The following TST variants were observed in gnomAD, a reference collection of about 807,000 sequenced individuals.
TST encodes the protein thiosulfate sulfurtransferase.
A neutral mutation model predicts 20.4 loss-of-function variants in TST; 22 were observed. That is an observed-to-expected ratio of 1.08 (90% CI 0.77 to 1.54). TST has a LOEUF of 1.54. Ranked by LOEUF, TST falls within the 40% of genes most tolerant of loss-of-function variation. The pLI is 0.00. For synonymous variants in TST, 187 were observed against 173.8 expected (o/e 1.08, Z -0.60); for missense variants, 392 against 405.2 (o/e 0.97, Z 0.28).
At chr22:37,012,789 T>C (rs928906786) in intron 2 of TST, among the ~76,000 whole-genome samples, 5 of 152,168 alleles carry the variant, frequency 3.3e-5, no homozygotes, top group African/African-American at 1.2e-4. Context: ...CTCACGCCTG[T>C]AGTCCCAGCA....
intron 2 of TST, among the ~76,000 whole-genome samples, chr22:37,014,762 A>G (rs539143983): frequency 1.3e-5 from 2 of 152,266 alleles, no homozygotes; most frequent in East Asian, 3.9e-4. Flanking sequence ...GGATGAGATG[A>G]CCTCTTGTAC....
At chr22:37,014,927 G>A (rs1201325728) in intron 2 of TST, among the ~76,000 whole-genome samples, 1 of 152,142 alleles carries the variant, frequency 6.6e-6, no homozygotes, top group East Asian at 1.9e-4. Flanking sequence ...AGGCAGCCCT[G>A]CACCTTCCCT....
rs1922446552 is a variant in TST, at chr22:37,011,021, C to T, written c.*6G>A. ...CGCAGTTACAGTAAGCAGAAGAGGT[C>T]ACGGCTCAGGCCTTCTCAGACTTTC... On this transcript the variant is annotated 3_prime_UTR_variant, in exon 3 of 3. Coordinates refer to ENST00000249042, the MANE Select transcript of TST (RefSeq NM_003312.6). The T allele has an allele frequency of 6.2e-7, 1 of 1,603,546 alleles. No homozygotes were observed. The highest frequency in any genetic ancestry group is 8.5e-7 in the Non-Finnish European group (1 of 1,174,246).
chr22:37,018,113 GACC>G (rs1922758405), intron 2 of TST, 22 bp downstream of exon 2: 2 of 1,503,308 alleles, frequency 1.3e-6, no homozygotes, highest in Non-Finnish European at 1.8e-6. Flanking sequence ...ACTCCCCAGG[GACC>G]ACCCAGCACT....
chr22:37,014,062 C>T (rs1161774010), intron 2 of TST, among the ~76,000 whole-genome samples: 1 of 146,394 alleles, frequency 6.8e-6, no homozygotes. Flanking sequence ...GGCCAGAGAA[C>T]TTTCAAGAAC....
rs201423946 is a variant in TST at position 37,018,127 on chromosome 22, G to A, written c.595+11C>T. On this transcript the variant is annotated intron_variant, in intron 2 of 2. Coordinates refer to ENST00000249042, the MANE Select transcript of TST (RefSeq NM_003312.6). ...TACTCCCCAGGGACCACCCAGCACT[G>A]GGACACCTACCTACTGCATCCGGCT... is the stretch of plus-strand genomic sequence containing the variant. 2.6e-4 allele frequency: 392 copies of A among 1,530,064 alleles called. No homozygotes were observed. Among genetic ancestry groups the A allele is most frequent in the Non-Finnish European group, 3.3e-4 (379 of 1,136,724 alleles). The allele number at this position is 1,530,064 out of a possible 1,614,324, so 94.8% of individuals were successfully genotyped here. A position where few individuals can be genotyped will look rare whatever the true frequency, so the allele number is the denominator to read the frequency against.
At chr22:37,015,120 C>G in intron 2 of TST, among the ~76,000 whole-genome samples, 1 of 152,186 alleles carries the variant, frequency 6.6e-6, no homozygotes. Flanking sequence ...TGAAGCCTGC[C>G]GACCTGGGGT....
At chr22:37,014,694 G>A (rs1030489795) in intron 2 of TST, among the ~76,000 whole-genome samples, 2 of 152,158 alleles carry the variant, frequency 1.3e-5, no homozygotes, top group East Asian at 1.9e-4. Context: ...TGCCCCCAAC[G>A]CCTGTGTTCT....
intron 2 of TST, among the ~76,000 whole-genome samples, chr22:37,012,554 T>TC (rs768303605): frequency 6.6e-6 from 1 of 152,212 alleles, no homozygotes; most frequent in Non-Finnish European, 1.5e-5. Flanking sequence ...CAGGCCTATC[T>TC]CCATCTCTTT....
chr22:37,018,094 T>A, intron 2 of TST, 44 bp downstream of exon 2: 5 of 1,432,080 alleles, frequency 3.5e-6, no homozygotes, highest in Non-Finnish European at 4.7e-6. Flanking sequence ...TATCCTTCCA[T>A]GGGGCAATAC....
Position 37,018,446 on chromosome 22 carries a change from A to G in TST, c.287T>C (p.Val96Ala). The G allele has an allele frequency of 6.2e-7, 1 of 1,613,070 alleles. No individual in the cohort carries two copies. Among genetic ancestry groups the G allele is most frequent in the Non-Finnish European group, 8.5e-7 (1 of 1,179,932 alleles). The change falls in exon 2 of 3, where the codon GTG becomes GCG. Residue 96 changes from valine (V) to alanine (A), a missense_variant. Physicochemically the swap from Val to Ala is moderately conservative, Grantham distance 64. Transcript: ENST00000249042. ...CAGGTGTTCACCATCATACACCACC[A>G]CGTGCGTGTGGTTGCTGATGCCCAG... Reference protein sequence around the residue: ...GRLGISNHTHVVVYDGEHLGS... With the variant: ...GRLGISNHTHAVVYDGEHLGS...
intron 2 of TST, among the ~76,000 whole-genome samples, chr22:37,014,158 C>G (rs5750367): frequency 6.6e-6 from 1 of 152,084 alleles, no homozygotes; most frequent in African/African-American, 2.4e-5. Flanking sequence ...GTCAGGAGAT[C>G]GAGACCATCC....
At chr22:37,020,177 A>T (rs1041754597), upstream of TST, 7 of 346,728 alleles carry the variant, frequency 2.0e-5, no homozygotes, top group Non-Finnish European at 3.1e-5. Context: ...GGCCCCAGGA[A>T]GAGACACTAG....
intron 2 of TST, among the ~76,000 whole-genome samples, chr22:37,017,831 C>T (rs1011168349): frequency 2.6e-5 from 4 of 152,120 alleles, no homozygotes; most frequent in Non-Finnish European, 4.4e-5. Context: ...TATCCTAGTA[C>T]ATGTGGGGCA....
chr22:37,020,062 C>A (rs1922949766), upstream of TST: 7 of 327,710 alleles, frequency 2.1e-5, no homozygotes, highest in Non-Finnish European at 3.8e-5. Flanking sequence ...GGGGTCGTGG[C>A]GAGTGGCGGG....
chr22:37,011,267 A>G lies in TST; in HGVS notation c.654T>C (p.Thr218=). ...CTGGGCCCTTCTCGAAGCCATCCTCAGTCAGGAAGTCCATGAAAGGCATGT... is the reference window on the plus strand; with the variant it reads ...CTGGGCCCTTCTCGAAGCCATCCTCGGTCAGGAAGTCCATGAAAGGCATGT... ...AVNMPFMDFL[T]EDGFEKGPEE... Residue 218 remains threonine, a synonymous_variant, in exon 3 of 3, where the codon ACT becomes ACC. Transcript: ENST00000249042. 6.2e-7 allele frequency: 1 copy of G among 1,613,968 alleles called. No homozygotes were observed. Among genetic ancestry groups the G allele is most frequent in the Non-Finnish European group, 8.5e-7 (1 of 1,180,006 alleles).
chr22:37,014,316 G>A (rs543352860), intron 2 of TST, among the ~76,000 whole-genome samples: 4 of 152,324 alleles, frequency 2.6e-5, no homozygotes, highest in Admixed American at 2.6e-4. Flanking sequence ...CTTAAAATGA[G>A]CCAAGATCGC....
At chr22:37,016,315 AAGGAAACCC>A (rs1382326318) in intron 2 of TST, among the ~76,000 whole-genome samples, 1 of 152,066 alleles carries the variant, frequency 6.6e-6, no homozygotes, top group Non-Finnish European at 1.5e-5. Context: ...ATTTTATGAT[AAGGAAACCC>A]AGAGAGGCCA....
intron 2 of TST, among the ~76,000 whole-genome samples, chr22:37,017,688 G>A (rs1370888855): frequency 1.3e-5 from 2 of 152,198 alleles, no homozygotes; most frequent in African/African-American, 4.8e-5. Context: ...GGGGGATCCT[G>A]CGGGGAGGGA....
Sources: gnomAD v4.1 joint callset for allele counts (sites outside exome capture counted in the v4.1 genomes callset) on GRCh38, gnomAD v4.1.1 for gene constraint, MANE v1.5 for transcripts, NCBI Gene and HGNC (gene_info 2026-07-23, HGNC 2026-07-21) for gene names.